Variants in HGD observed in about 807,000 individuals in gnomAD.
HGD encodes the protein homogentisate oxidase.
Under a neutral mutation model 60.8 loss-of-function variants are expected in HGD, and 61 were observed. That is an observed-to-expected ratio of 1.00 (90% CI 0.82 to 1.24). The LOEUF (loss-of-function observed/expected upper bound fraction) is 1.24. HGD is among the 50% of genes most tolerant of loss of function. HGD has a pLI of 0.00. For missense variants in HGD, 542 were observed against 547.1 expected, an observed-to-expected ratio of 0.99 and a Z score of 0.09; for synonymous variants, 212 against 187.7, an observed-to-expected ratio of 1.13 and a Z score of -1.06.
intron 4 of HGD, among the ~76,000 whole-genome samples, chr3:120,657,000 T>A (rs1941518975): frequency 6.6e-6 from 1 of 152,232 alleles, no homozygotes; most frequent in South Asian, 2.1e-4. Flanking sequence ...TTTTTTCCAA[T>A]CCTGCTCCTT....
At chr3:120,681,659 C>T (rs1044408763) in intron 1 of HGD, among the ~76,000 whole-genome samples, 6 of 152,188 alleles carry the variant, frequency 3.9e-5, no homozygotes, top group Admixed American at 3.9e-4. Context: ...AGAGGAGGTG[C>T]TTCTTCTGGC....
chr3:120,678,490 T>C (rs1475741428), intron 1 of HGD, among the ~76,000 whole-genome samples: 2 of 152,186 alleles, frequency 1.3e-5, no homozygotes, highest in Non-Finnish European at 2.9e-5. Flanking sequence ...CCATTCTTTG[T>C]AACTGGTGGC....
intron 6 of HGD, among the ~76,000 whole-genome samples, chr3:120,649,820 A>C (rs1167935227): frequency 6.6e-6 from 1 of 151,134 alleles, no homozygotes; most frequent in African/African-American, 2.4e-5. Context: ...GGCCTCTCAG[A>C]GGTGCTAGAT....
At chr3:120,677,278 C>T (rs1045032242) in intron 1 of HGD, among the ~76,000 whole-genome samples, 3 of 152,156 alleles carry the variant, frequency 2.0e-5, no homozygotes, top group African/African-American at 2.4e-5. Flanking sequence ...GCTGGTGAGC[C>T]AGGCAGAACA....
chr3:120,644,188 T>C, intron 10 of HGD, 131 bp downstream of exon 10: 2 of 1,062,144 alleles, frequency 1.9e-6, no homozygotes, highest in South Asian at 2.5e-5. Context: ...CTATTTGCTT[T>C]ATTTGTAGTG....
At chr3:120,649,687 G>A (rs1941278217) in intron 6 of HGD, among the ~76,000 whole-genome samples, 1 of 152,216 alleles carries the variant, frequency 6.6e-6, no homozygotes. Flanking sequence ...TGGGTGACTA[G>A]GGGCTGAGTT....
chr3:120,674,396 A>G (rs1481661701), intron 3 of HGD, among the ~76,000 whole-genome samples: 1 of 152,198 alleles, frequency 6.6e-6, no homozygotes, highest in Non-Finnish European at 1.5e-5. Context: ...TACCAGAGTA[A>G]AAACCTTATT....
intron 12 of HGD, among the ~76,000 whole-genome samples, chr3:120,634,924 G>C (rs1940711182): frequency 6.6e-6 from 1 of 152,202 alleles, no homozygotes. Flanking sequence ...TGGAAATACA[G>C]AAAAAGAAGC....
At position 120,646,308 on chromosome 3, in the gene HGD, A is replaced by G; in HGVS notation, c.608T>C (p.Val203Ala). ...AGGTAACTCAAAGTGGACACCATAG[A>G]CCTCCAAGATGTAGCCCCTGGTCTC... ...FEETRGYILE[V>A]YGVHFELPDL... The change falls in exon 9 of 14, where the codon GTC (valine) becomes GCC (alanine). Residue 203 changes from valine (V) to alanine (A), a missense_variant. Val to Ala is a moderately conservative substitution (Grantham distance 64). Transcript: ENST00000283871. 6.2e-7 allele frequency: 1 copy of G among 1,613,520 alleles called. No homozygotes were observed. The highest frequency in any genetic ancestry group is 8.5e-7 in the Non-Finnish European group (1 of 1,179,574).
intron 10 of HGD, among the ~76,000 whole-genome samples, chr3:120,643,886 T>C (rs1412798898): frequency 1.3e-5 from 2 of 152,236 alleles, no homozygotes; most frequent in Non-Finnish European, 2.9e-5. Flanking sequence ...TTTTGTAGAA[T>C]TGCTTGTATT....
At position 120,682,216 on chromosome 3, in the gene HGD, C is replaced by G; in HGVS notation, c.-105G>C. ...AAACCACTCTTTGGATATTCCGGTT[C>G]CCACTGCTTCACTGCGCTTCACTGG... is the stretch of plus-strand genomic sequence containing the variant. On this transcript the variant is annotated 5_prime_UTR_variant, in exon 1 of 14. Transcript: ENST00000283871. 8.9e-7 allele frequency: 1 copy of G among 1,121,288 alleles called. No homozygotes were observed. Among genetic ancestry groups the G allele is most frequent in the Admixed American group, 1.7e-5 (1 of 59,388 alleles). The allele number at this position is 1,121,288 out of a possible 1,614,324, so 69.5% of individuals were successfully genotyped here.
intron 4 of HGD, among the ~76,000 whole-genome samples, chr3:120,664,593 A>G (rs1164914656): frequency 6.6e-6 from 1 of 151,642 alleles, no homozygotes; most frequent in African/African-American, 2.4e-5. Context: ...ATGCTCAGCT[A>G]ATTTTTTTTC....
intron 12 of HGD, among the ~76,000 whole-genome samples, chr3:120,636,277 T>A (rs1462526358): frequency 4.0e-5 from 6 of 148,222 alleles, no homozygotes; most frequent in Non-Finnish European, 7.4e-5. Flanking sequence ...TGAGACCCTG[T>A]CTCAAAAAAA....
Position 120,628,284 on chromosome 3 carries a change from T to G in HGD, c.*96A>C. ...TTGACTATGAAAAGTGAATTTTCATTTTAACCAACCCCCTCCTCCAATACT... is the reference window on the plus strand; with the variant it reads ...TTGACTATGAAAAGTGAATTTTCATGTTAACCAACCCCCTCCTCCAATACT... On this transcript the variant is annotated 3_prime_UTR_variant, in exon 14 of 14. Transcript: ENST00000283871. 1 of 1,405,900 alleles carries G rather than the reference T, an allele frequency of 7.1e-7. No individual in the cohort carries two copies. The highest frequency in any genetic ancestry group is 1.4e-5 in the African/African-American group (1 of 70,498). 87.1% of individuals were successfully genotyped at this position (1,405,900 alleles called of 1,614,324 possible). A position where few individuals can be genotyped will look rare whatever the true frequency, so the allele number is the denominator to read the frequency against.
intron 11 of HGD, 103 bp downstream of exon 11, chr3:120,641,486 G>A: frequency 3.7e-6 from 3 of 809,928 alleles, no homozygotes; most frequent in South Asian, 2.7e-5. Flanking sequence ...GCTTCCAATG[G>A]TGACATTGGA....
intron 3 of HGD, among the ~76,000 whole-genome samples, chr3:120,673,490 T>C (rs1708064252): frequency 6.8e-6 from 1 of 148,120 alleles, no homozygotes; most frequent in Admixed American, 6.7e-5. Context: ...GTGCTTATCT[T>C]ACCCTATTTG....
chr3:120,670,967 G>A (rs543375390), intron 3 of HGD, among the ~76,000 whole-genome samples: 1 of 152,266 alleles, frequency 6.6e-6, no homozygotes, highest in Admixed American at 6.5e-5. Context: ...AATATGGGTG[G>A]TATCTTTGTT....
rs1394679945 is a variant in HGD at position 120,628,210 on chromosome 3, G to C, written c.*170C>G. 1.4e-6 allele frequency: 1 copy of C among 696,940 alleles called. No homozygotes were observed. Among genetic ancestry groups the C allele is most frequent in the Non-Finnish European group, 2.5e-6 (1 of 400,370 alleles). 43.2% of individuals were successfully genotyped at this position (696,940 alleles called of 1,614,324 possible). On this transcript the variant is annotated 3_prime_UTR_variant, in exon 14 of 14. Transcript: ENST00000283871. ...AGCAAGTTTATTGAGTAATTAAGGTGACAGCCATAGAACTTTGCAAATGCG... is the reference window on the plus strand; with the variant it reads ...AGCAAGTTTATTGAGTAATTAAGGTCACAGCCATAGAACTTTGCAAATGCG...
chr3:120,638,615 T>C, intron 11 of HGD, 34 bp from the exon 12 acceptor site: 1 of 1,612,938 alleles, frequency 6.2e-7, no homozygotes, highest in Non-Finnish European at 8.5e-7. Context: ...GAACGCATGA[T>C]GCAAGGGAAG....
Sources: allele counts gnomAD v4.1 joint callset (sites outside exome capture counted in the v4.1 genomes callset), GRCh38; gene constraint gnomAD v4.1.1; transcripts MANE v1.5; gene names NCBI Gene and HGNC (gene_info 2026-07-23, HGNC 2026-07-21).